Variants in LDAH observed in about 807,000 individuals in gnomAD.
LDAH encodes lipid droplet-associated hydrolase.
LDAH carries 26 observed loss-of-function variants against 29.6 expected under a neutral mutation model. The observed-to-expected ratio is 0.88, with a 90% confidence interval of 0.64 to 1.22. LDAH has a LOEUF of 1.22. LDAH is among the 50% of genes most tolerant of loss of function. The pLI, the probability that LDAH is intolerant of heterozygous loss-of-function variation, is 0.00. For synonymous variants in LDAH, 117 were observed against 133.0 expected (o/e 0.88, Z 0.83); for missense variants, 344 against 387.3 (o/e 0.89, Z 0.94).
intron 5 of LDAH, among the ~76,000 whole-genome samples, chr2:20,721,792 T>C (rs555901054): frequency 1.6e-4 from 24 of 152,336 alleles, no homozygotes; most frequent in African/African-American, 5.8e-4. Context: ...CTGATAGGTC[T>C]ATATCCAAAA....
chr2:20,784,573 T>C (rs1270263711), intron 3 of LDAH, among the ~76,000 whole-genome samples: 3 of 152,082 alleles, frequency 2.0e-5, no homozygotes, highest in Non-Finnish European at 4.4e-5. Flanking sequence ...CTTCTCATAA[T>C]AATTATACTT....
At chr2:20,792,283 G>C (rs922409778) in intron 2 of LDAH, among the ~76,000 whole-genome samples, 3 of 151,824 alleles carry the variant, frequency 2.0e-5, no homozygotes, top group African/African-American at 7.3e-5. Context: ...ATATTTTTAG[G>C]TACTATAACT....
chr2:20,724,594 T>C (rs566467000), intron 5 of LDAH, among the ~76,000 whole-genome samples: 1 of 152,258 alleles, frequency 6.6e-6, no homozygotes, highest in East Asian at 1.9e-4. Flanking sequence ...CTGACACTGG[T>C]AAGCCAAGCT....
chr2:20,698,688 AAAAAAAGGAAAAAGAAAT>A lies in LDAH; in HGVS notation c.786+2864_786+2881del, dbSNP rs1236776633. Among the ~76,000 whole-genome samples, 2 of 152,190 alleles carry A rather than the reference AAAAAAAGGAAAAAGAAAT, an allele frequency of 1.3e-5. No homozygotes were observed. The highest frequency in any genetic ancestry group is 2.9e-5 in the Non-Finnish European group (2 of 68,034). ...GTGCAAGACTCTGTCTCAAAAAAAC[AAAAAAAGGAAAAAGAAAT>A]AACCTATGATGCCATAAACCATGGT... On this transcript the variant is annotated intron_variant, in intron 6 of 6. Coordinates refer to ENST00000237822, the MANE Select transcript of LDAH (RefSeq NM_021925.4). This position sits in a 1 kb window ranked among gnomAD's most constrained non-coding sequence, Gnocchi z 4.4.
intron 1 of LDAH, among the ~76,000 whole-genome samples, chr2:20,814,239 G>T (rs1012202184): frequency 1.5e-4 from 23 of 148,702 alleles, no homozygotes; most frequent in Admixed American, 5.4e-4. Context: ...TGGGGGGGGG[G>T]GGTCCATGGT....
At chr2:20,802,318 C>T (rs1160751946) in intron 1 of LDAH, among the ~76,000 whole-genome samples, 2 of 152,110 alleles carry the variant, frequency 1.3e-5, no homozygotes, top group Non-Finnish European at 2.9e-5. Context: ...CCTCGGCCTC[C>T]CAAAGTGCTG....
Sources: allele counts gnomAD v4.1 joint callset (sites outside exome capture counted in the v4.1 genomes callset), GRCh38; gene constraint gnomAD v4.1.1; non-coding constraint Gnocchi (gnomAD v3.1); transcripts MANE v1.5; gene names NCBI Gene and HGNC (gene_info 2026-07-23, HGNC 2026-07-21).